The following ADGRV1 variants were observed in gnomAD, a reference collection of about 807,000 sequenced individuals.
ADGRV1 encodes G-protein coupled receptor 98.
A neutral mutation model predicts 596.2 loss-of-function variants in ADGRV1; 359 were observed. That is an observed-to-expected ratio of 0.60 (90% CI 0.55 to 0.66). The LOEUF (loss-of-function observed/expected upper bound fraction) is 0.66. Ranked by LOEUF, ADGRV1 falls within the 30% of genes least tolerant of loss-of-function variation. ADGRV1 has a pLI of 0.00. For synonymous variants in ADGRV1, 2,681 were observed against 2,679.2 expected (o/e 1.00, Z -0.02); for missense variants, 7,274 against 7,575.6 (o/e 0.96, Z 1.48).
Position 90,681,368 on chromosome 5 carries a change from G to A in ADGRV1, c.5578G>A (p.Ala1860Thr), listed in dbSNP as rs369603835. 1.0e-4 allele frequency: 169 copies of A among 1,613,762 alleles called. No homozygotes were observed. The highest frequency in any genetic ancestry group is 1.6e-4 in the Middle Eastern group (1 of 6,062). The stretch of plus-strand genomic sequence containing the variant: ...AGTGACAATTGCAGCCTCTGACCAC[G>A]CTCATGGCGTATTTGAATTTAGCCC... ...ILVTIAASDH[A>T]HGVFEFSPES... The change falls in exon 27 of 90, where the codon GCT becomes ACT. Residue 1860 changes from alanine (A) to threonine (T), a missense_variant. Ala to Thr is a moderately conservative substitution (Grantham distance 58). This residue lies in a region of ADGRV1 where 3,643 missense variants were observed against 3,809.2 expected (regional missense o/e 0.96). Transcript: ENST00000405460.
At chr5:91,037,410 CAAAG>C (rs1784998708) in intron 85 of ADGRV1, among the ~76,000 whole-genome samples, 1 of 151,738 alleles carries the variant, frequency 6.6e-6, no homozygotes, top group Admixed American at 6.6e-5. Flanking sequence ...CATGCAGAAA[CAAAG>C]AAAAAGAGTT....
intron 21 of ADGRV1, among the ~76,000 whole-genome samples, chr5:90,661,878 A>T (rs531982929): frequency 1.3e-5 from 2 of 152,290 alleles, no homozygotes; most frequent in Non-Finnish European, 2.9e-5. Flanking sequence ...TGTCTTATGC[A>T]TTTCTGTATT....
At chr5:91,012,101 G>A (rs1006669940) in intron 85 of ADGRV1, among the ~76,000 whole-genome samples, 7 of 151,856 alleles carry the variant, frequency 4.6e-5, no homozygotes, top group Middle Eastern at 3.2e-3. Flanking sequence ...CTTGCTAACC[G>A]TGTTCAGTTT....
At chr5:90,997,082 G>T (rs1781478881) in intron 85 of ADGRV1, among the ~76,000 whole-genome samples, 1 of 152,200 alleles carries the variant, frequency 6.6e-6, no homozygotes, top group Non-Finnish European at 1.5e-5. Flanking sequence ...TTGAGTTAAT[G>T]CTGAAATGAG....
In ADGRV1 at chr5:90,846,324, G is replaced by C. The variant is rs1003388165; in HGVS notation, c.17020-2313G>C. 2.0e-5 allele frequency: 3 copies of C among 152,240 alleles called. No individual in the cohort carries two copies. In the East Asian group the frequency reaches 5.8e-4, roughly 29 times the overall value. 9.4% of individuals were successfully genotyped at this position (152,240 alleles called of 1,614,324 possible). On this transcript the variant is annotated intron_variant, in intron 78 of 89. Coordinates refer to ENST00000405460, the MANE Select transcript of ADGRV1 (RefSeq NM_032119.4). The stretch of plus-strand genomic sequence containing the variant: ...AAGAGAGTGATAATGTAGGTTGGTA[G>C]ATGGGGCATAGTGTAAGAATCATAG...
chr5:91,099,774 T>C (rs1286328597), intron 86 of ADGRV1, among the ~76,000 whole-genome samples: 1 of 152,192 alleles, frequency 6.6e-6, no homozygotes, highest in Non-Finnish European at 1.5e-5. Context: ...AAAACTGGAA[T>C]TAACCCCGTG....
intron 83 of ADGRV1, among the ~76,000 whole-genome samples, chr5:90,961,487 CAA>C (rs34654014): frequency 0.013 from 592 of 46,466 alleles, 4 homozygotes; most frequent in African/African-American, 0.043. Context: ...GACTCCGTCT[CAA>C]AAAAAAAAAA....
At chr5:91,138,322 T>G (rs1227455970) in intron 87 of ADGRV1, among the ~76,000 whole-genome samples, 1 of 152,226 alleles carries the variant, frequency 6.6e-6, no homozygotes, top group Admixed American at 6.5e-5. Flanking sequence ...TGCTAAAATT[T>G]GATATCAATT....
chr5:91,051,388 A>T (rs1786306701), intron 85 of ADGRV1, among the ~76,000 whole-genome samples: 1 of 152,150 alleles, frequency 6.6e-6, no homozygotes, highest in South Asian at 2.1e-4. Flanking sequence ...ATTACATGAG[A>T]TATAAAACAC....
chr5:90,664,383 T>A (rs1408982076), intron 21 of ADGRV1, among the ~76,000 whole-genome samples: 1 of 151,986 alleles, frequency 6.6e-6, no homozygotes, highest in East Asian at 1.9e-4. Context: ...CAATTGTGAA[T>A]GGGAGTTCAC....
intron 74 of ADGRV1, among the ~76,000 whole-genome samples, chr5:90,812,089 G>A (rs945260208): frequency 5.9e-5 from 9 of 151,722 alleles, no homozygotes; most frequent in South Asian, 2.1e-4. Context: ...CACCACGCCC[G>A]GCTAATTTTT....
intron 42 of ADGRV1, 115 bp downstream of exon 42, chr5:90,712,543 A>C: frequency 2.5e-6 from 2 of 792,896 alleles, no homozygotes; most frequent in Non-Finnish European, 4.0e-6. Context: ...TAAAATGAGA[A>C]TGATTTTAAG....
intron 83 of ADGRV1, among the ~76,000 whole-genome samples, chr5:90,955,816 T>C (rs987250605): frequency 6.6e-6 from 1 of 152,174 alleles, no homozygotes. Flanking sequence ...ATGATAACTC[T>C]CTCAATAATT....
At chr5:91,037,393 T>C (rs578069962) in intron 85 of ADGRV1, among the ~76,000 whole-genome samples, 1 of 152,278 alleles carries the variant, frequency 6.6e-6, no homozygotes, top group African/African-American at 2.4e-5. Context: ...TGCCTTTGCT[T>C]GCAAGCCATG....
chr5:90,839,742 T>A (rs78334959), intron 77 of ADGRV1, among the ~76,000 whole-genome samples: 7,096 of 152,268 alleles, frequency 0.047, 580 homozygotes, highest in African/African-American at 0.16. Flanking sequence ...TGCTACCCTT[T>A]CCATCACCGT....
In ADGRV1 at chr5:90,597,565, C is replaced by T. The variant is rs1760852576; in HGVS notation, c.23-17270C>T. 2.6e-5 allele frequency among the ~76,000 whole-genome samples: 4 copies of T among 152,098 alleles called. No individual in the cohort carries two copies. The South Asian group carries it at 8.3e-4, about 32-fold the overall frequency. ...TGCACTGGGAGACTTTTACAGGGAC[C>T]AGGCAAAGCTGAGATTGCTCAGAGG... is the stretch of plus-strand genomic sequence containing the variant. On this transcript the variant is annotated intron_variant, in intron 1 of 89. Coordinates refer to ENST00000405460, the MANE Select transcript of ADGRV1 (RefSeq NM_032119.4).
chr5:90,939,975 CT>C (rs1284587518), intron 83 of ADGRV1, among the ~76,000 whole-genome samples: 1 of 152,142 alleles, frequency 6.6e-6, no homozygotes, highest in African/African-American at 2.4e-5. Context: ...TCATTCTTAC[CT>C]AGCCTCATAT....
At chr5:90,583,181 A>G (rs369963993) in intron 1 of ADGRV1, among the ~76,000 whole-genome samples, 2 of 152,204 alleles carry the variant, frequency 1.3e-5, no homozygotes, top group Non-Finnish European at 2.9e-5. Flanking sequence ...CCTAGCTTTT[A>G]TAAGTCAGTA....
At chr5:90,982,429 A>C (rs1780153238) in intron 84 of ADGRV1, among the ~76,000 whole-genome samples, 2 of 152,240 alleles carry the variant, frequency 1.3e-5, no homozygotes, top group Admixed American at 1.3e-4. Flanking sequence ...AGAGATTTTA[A>C]CACCACTGCT....
Sources: gnomAD v4.1 joint callset for allele counts (sites outside exome capture counted in the v4.1 genomes callset) on GRCh38, gnomAD v4.1.1 for gene constraint, gnomAD v4.1.1 regional missense constraint, MANE v1.5 for transcripts, NCBI Gene and HGNC (gene_info 2026-07-23, HGNC 2026-07-21) for gene names.